Variants in ARRB1 observed in about 807,000 individuals in gnomAD.
ARRB1 encodes the protein arrestin beta 1, also known as beta-arrestin-1.
ARRB1 carries 21 observed loss-of-function variants against 56.8 expected under a neutral mutation model. That is an observed-to-expected ratio of 0.37 (90% CI 0.26 to 0.53). The LOEUF (loss-of-function observed/expected upper bound fraction) is 0.53. Among genes scored for constraint, ARRB1 ranks in the 20% least tolerant of loss-of-function variants. The pLI is 0.88. For synonymous variants in ARRB1, 210 were observed against 218.6 expected, an observed-to-expected ratio of 0.96 and a Z score of 0.35; for missense variants, 424 against 553.7, an observed-to-expected ratio of 0.77 and a Z score of 2.35.
chr11:75,316,884 G>A (rs1947274525), intron 1 of ARRB1, among the ~76,000 whole-genome samples: 1 of 152,084 alleles, frequency 6.6e-6, no homozygotes, highest in Non-Finnish European at 1.5e-5. Context: ...TGGGCAATAT[G>A]GTGAAACCCC....
rs1946058547 is a variant in ARRB1 at position 75,270,731 on chromosome 11, G to A, written c.1022+970C>T. On this transcript the variant is annotated intron_variant, in intron 13 of 15. Transcript: ENST00000420843. ...TGGCTTCCACCCAGGAGGCAGAGAA[G>A]GTTACAGTGAACCAAGTTTGTGCCA... Among the ~76,000 whole-genome samples the A allele has an allele frequency of 3.9e-5, 6 of 152,120 alleles. No individual in the cohort carries two copies. The South Asian group carries it at 1.2e-3, about 31-fold the overall frequency.
rs1290856978 is a variant in ARRB1, at chr11:75,351,624, A to G, written c.-17T>C. 2.9e-6 allele frequency: 4 copies of G among 1,401,768 alleles called. No homozygotes were observed. Among genetic ancestry groups the G allele is most frequent in the African/African-American group, 3.0e-5 (2 of 66,638 alleles). 86.8% of individuals were successfully genotyped at this position (1,401,768 alleles called of 1,614,324 possible). A position where few individuals can be genotyped will look rare whatever the true frequency, so the allele number is the denominator to read the frequency against. On this transcript the variant is annotated 5_prime_UTR_variant, in exon 1 of 16. Coordinates refer to ENST00000420843, the MANE Select transcript of ARRB1 (RefSeq NM_004041.5). Reference sequence around the variant, plus strand: ...GTCGCCCATGGTCCGCGACGGTCGCAGGGAGGTCCGCGGCGTCAGCGCCCA... The same window carrying G: ...GTCGCCCATGGTCCGCGACGGTCGCGGGGAGGTCCGCGGCGTCAGCGCCCA...
At chr11:75,293,795 A>T (rs1008429245) in intron 1 of ARRB1, among the ~76,000 whole-genome samples, 1 of 152,168 alleles carries the variant, frequency 6.6e-6, no homozygotes, top group Non-Finnish European at 1.5e-5. Context: ...GGCAGGATGC[A>T]TGGGGGCTGG....
At position 75,263,082 on chromosome 11, in the gene ARRB1, G is replaced by A. The variant is rs183246733; in HGVS notation, c.*3081C>T. On this transcript the variant is annotated 3_prime_UTR_variant, in exon 16 of 16. Transcript: ENST00000420843. ...GGGCACACTGCAAAGTCCCAGTGACGGATGGCTTGGCCAGTGCAGGCCCCA... is the reference window on the plus strand; with the variant it reads ...GGGCACACTGCAAAGTCCCAGTGACAGATGGCTTGGCCAGTGCAGGCCCCA... 7.9e-5 allele frequency among the ~76,000 whole-genome samples: 12 copies of A among 152,336 alleles called. No individual in the cohort carries two copies. Among genetic ancestry groups the A allele is most frequent in the Admixed American group, 5.9e-4 (9 of 15,304 alleles).
intron 1 of ARRB1, among the ~76,000 whole-genome samples, chr11:75,342,336 T>A (rs1947703741): frequency 6.6e-6 from 1 of 152,090 alleles, no homozygotes; most frequent in Non-Finnish European, 1.5e-5. Context: ...CCCCCTTCCC[T>A]CTGCTCTGGG....
intron 9 of ARRB1, 43 bp downstream of exon 9, chr11:75,277,321 T>C (rs751864243): frequency 6.3e-7 from 1 of 1,581,662 alleles, no homozygotes; most frequent in South Asian, 1.1e-5. Flanking sequence ...CTTGGGAAGA[T>C]TGCCTCTCGC....
At chr11:75,276,761 A>G in intron 10 of ARRB1, 78 bp downstream of exon 10, 1 of 1,461,708 alleles carries the variant, frequency 6.8e-7, no homozygotes, top group Non-Finnish European at 9.5e-7. Context: ...AGCCACCTGG[A>G]CCTGTAACAG....
At chr11:75,302,865 G>A (rs1946937395) in intron 1 of ARRB1, among the ~76,000 whole-genome samples, 1 of 152,162 alleles carries the variant, frequency 6.6e-6, no homozygotes, top group East Asian at 1.9e-4. Flanking sequence ...TCCCTCAGGT[G>A]AGAAAGCCTT....
At chr11:75,272,135 T>C (rs1217180048) in intron 12 of ARRB1, among the ~76,000 whole-genome samples, 2 of 152,256 alleles carry the variant, frequency 1.3e-5, no homozygotes, top group Admixed American at 1.3e-4. Flanking sequence ...AATTTTGAGA[T>C]GTCCTATTAT....
At chr11:75,335,991 C>A (rs1282057360) in intron 1 of ARRB1, among the ~76,000 whole-genome samples, 1 of 152,160 alleles carries the variant, frequency 6.6e-6, no homozygotes, top group Non-Finnish European at 1.5e-5. Flanking sequence ...CTCACAGATA[C>A]CCTGTGAGAA....
chr11:75,278,858 T>G (rs1946260772), intron 7 of ARRB1, 114 bp from the exon 8 acceptor site: 1 of 1,421,720 alleles, frequency 7.0e-7, no homozygotes, highest in Admixed American at 2.2e-5. Context: ...CTCCATCACC[T>G]TAGAATCCAG....
chr11:75,267,324 A>C (rs1474693989), intron 15 of ARRB1, among the ~76,000 whole-genome samples: 1 of 152,094 alleles, frequency 6.6e-6, no homozygotes, highest in Non-Finnish European at 1.5e-5. Context: ...CGTGGGCAGG[A>C]CAGGAGAGCC....
At chr11:75,343,238 T>A (rs532086811) in intron 1 of ARRB1, among the ~76,000 whole-genome samples, 2 of 151,996 alleles carry the variant, frequency 1.3e-5, no homozygotes, top group South Asian at 2.1e-4. Flanking sequence ...TACAAGAAGG[T>A]CACAAAGCGC....
intron 11 of ARRB1, among the ~76,000 whole-genome samples, chr11:75,273,355 TGGGG>T (rs1946114733): frequency 1.1e-3 from 3 of 2,626 alleles, no homozygotes; most frequent in African/African-American, 4.9e-3. Context: ...GCAGCTGGGG[TGGGG>T]TGGGGTGGGG....
At chr11:75,283,169 C>T in intron 5 of ARRB1, 118 bp downstream of exon 5, 1 of 1,074,044 alleles carries the variant, frequency 9.3e-7, no homozygotes, top group South Asian at 1.6e-5. Flanking sequence ...TCCCAGCATA[C>T]ACTGGGAAAC....
intron 1 of ARRB1, among the ~76,000 whole-genome samples, chr11:75,325,791 G>A (rs1486741678): frequency 2.0e-5 from 3 of 152,186 alleles, no homozygotes; most frequent in Non-Finnish European, 4.4e-5. Flanking sequence ...CCCCAGGCAT[G>A]CCCCAGCCTC....
intron 14 of ARRB1, among the ~76,000 whole-genome samples, chr11:75,267,969 G>A (rs1178961546): frequency 1.3e-5 from 2 of 152,196 alleles, no homozygotes; most frequent in Non-Finnish European, 2.9e-5. Context: ...TGTTTCTTTT[G>A]ACAGGTCTCC....
Position 75,346,248 on chromosome 11 carries a change from C to T in ARRB1, c.20+5340G>A, listed in dbSNP as rs533408201. On this transcript the variant is annotated intron_variant, in intron 1 of 15. Coordinates refer to ENST00000420843, the MANE Select transcript of ARRB1 (RefSeq NM_004041.5). ...CTTCAAAGAAGCCTTCCTCCAAGTC[C>T]CCCACCTGAGTCAGAAGCCCCTCCT... 3.9e-5 allele frequency among the ~76,000 whole-genome samples: 6 copies of T among 152,236 alleles called. No individual in the cohort carries two copies. The South Asian group carries it at 1.2e-3, about 32-fold the overall frequency.
At chr11:75,267,622 C>A in intron 15 of ARRB1, 30 bp downstream of exon 15, 1 of 1,595,612 alleles carries the variant, frequency 6.3e-7, no homozygotes, top group Non-Finnish European at 8.6e-7. Flanking sequence ...CGGCCCACCC[C>A]CGGATGTCTG....
Sources: allele counts gnomAD v4.1 joint callset (sites outside exome capture counted in the v4.1 genomes callset), GRCh38; gene constraint gnomAD v4.1.1; transcripts MANE v1.5; gene names NCBI Gene and HGNC (gene_info 2026-07-23, HGNC 2026-07-21).